Variants in ANKS1B observed in about 807,000 individuals in gnomAD.
ANKS1B encodes the protein ankyrin repeat and sterile alpha motif domain-containing protein 1B.
A neutral mutation model predicts 148.3 loss-of-function variants in ANKS1B; 36 were observed. The observed-to-expected ratio is 0.24, with a 90% CI of 0.19 to 0.32. ANKS1B has a LOEUF of 0.32. Among genes scored for constraint, ANKS1B ranks in the 10% least tolerant of loss-of-function variants. The probability of loss-of-function intolerance (pLI) is 1.00; values close to 1 mark genes in which losing one functional copy is unlikely to be tolerated. For missense variants in ANKS1B, 1,157 were observed against 1,542.6 expected, an observed-to-expected ratio of 0.75 and a Z score of 4.19; for synonymous variants, 542 against 560.8, an observed-to-expected ratio of 0.97 and a Z score of 0.47.
intron 8 of ANKS1B, among the ~76,000 whole-genome samples, chr12:99,682,233 C>A (rs889643651): frequency 6.6e-6 from 1 of 152,140 alleles, no homozygotes; most frequent in African/African-American, 2.4e-5. Flanking sequence ...AAACAATGAA[C>A]TTAAACTATA....
chr12:99,708,784 T>C (rs1202736219), intron 8 of ANKS1B, among the ~76,000 whole-genome samples: 5 of 152,118 alleles, frequency 3.3e-5, no homozygotes. Flanking sequence ...TCACATCACA[T>C]CTGCAAAGGC....
intron 12 of ANKS1B, among the ~76,000 whole-genome samples, chr12:99,353,614 C>T (rs2091675136): frequency 1.3e-5 from 2 of 152,058 alleles, no homozygotes; most frequent in South Asian, 4.1e-4. Flanking sequence ...ATGTCAATTC[C>T]TGCATGTCAA....
chr12:99,979,330 A>G (rs2153856192), intron 1 of ANKS1B, among the ~76,000 whole-genome samples: 1 of 152,308 alleles, frequency 6.6e-6, no homozygotes, highest in East Asian at 1.9e-4. Context: ...GAGGTGTAAC[A>G]GTTCACTAAT....
At chr12:99,415,154 T>A (rs558499593) in intron 11 of ANKS1B, among the ~76,000 whole-genome samples, 4 of 152,186 alleles carry the variant, frequency 2.6e-5, no homozygotes, top group African/African-American at 9.7e-5. Flanking sequence ...TTTGTCCTCA[T>A]AGAAGCTTTC....
At chr12:99,344,155 C>A (rs2090330542) in intron 12 of ANKS1B, among the ~76,000 whole-genome samples, 1 of 151,990 alleles carries the variant, frequency 6.6e-6, no homozygotes, top group African/African-American at 2.4e-5. Flanking sequence ...ACCCACCATT[C>A]CCCTGCTGTG....
intron 12 of ANKS1B, among the ~76,000 whole-genome samples, chr12:99,352,650 G>A (rs549462145): frequency 4.6e-5 from 7 of 151,940 alleles, no homozygotes; most frequent in Non-Finnish European, 8.8e-5. Context: ...TATATCTTGA[G>A]AGGCCATCCC....
At chr12:99,093,873 TGAGA>T (rs1380319032) in intron 15 of ANKS1B, among the ~76,000 whole-genome samples, 1 of 151,718 alleles carries the variant, frequency 6.6e-6, no homozygotes, top group Admixed American at 6.6e-5. Context: ...AGGGAGGAAA[TGAGA>T]GGAAGTGTTT....
intron 1 of ANKS1B, among the ~76,000 whole-genome samples, chr12:99,845,033 T>C (rs2086406290): frequency 6.6e-6 from 1 of 152,164 alleles, no homozygotes. Context: ...GGCTCTCGGC[T>C]TGCCTCTTAT....
At chr12:98,982,832 C>A (rs990920777) in intron 17 of ANKS1B, among the ~76,000 whole-genome samples, 4 of 152,068 alleles carry the variant, frequency 2.6e-5, no homozygotes, top group African/African-American at 9.7e-5. Context: ...TTTTATACTG[C>A]CATGAAAATT....
intron 19 of ANKS1B, among the ~76,000 whole-genome samples, chr12:98,822,082 C>T (rs1262929139): frequency 6.6e-6 from 1 of 152,052 alleles, no homozygotes; most frequent in African/African-American, 2.4e-5. Context: ...GAGAGCAATG[C>T]AGCAAAACAG....
At chr12:99,605,372 T>C (rs2097844477) in intron 9 of ANKS1B, among the ~76,000 whole-genome samples, 1 of 151,988 alleles carries the variant, frequency 6.6e-6, no homozygotes, top group African/African-American at 2.4e-5. Flanking sequence ...TTCAAATATA[T>C]AATACATTAT....
At chr12:99,344,743 CA>C (rs1477686871) in intron 12 of ANKS1B, 3 of 151,802 alleles carry the variant, frequency 2.0e-5, no homozygotes, top group African/African-American at 4.8e-5. Context: ...TGATCAGTCA[CA>C]TTTTTTGTAT....
At chr12:99,406,911 A>G (rs2094544715) in intron 11 of ANKS1B, among the ~76,000 whole-genome samples, 1 of 145,898 alleles carries the variant, frequency 6.9e-6, no homozygotes, top group Non-Finnish European at 1.5e-5. Context: ...AGAAAAGCCC[A>G]GGATCTGATG....
At chr12:99,912,843 T>A (rs371936594) in intron 1 of ANKS1B, among the ~76,000 whole-genome samples, 21 of 152,178 alleles carry the variant, frequency 1.4e-4, no homozygotes, top group African/African-American at 4.8e-4. Context: ...TCCATAGAAG[T>A]AGAGTACTAA....
intron 8 of ANKS1B, among the ~76,000 whole-genome samples, chr12:99,758,481 C>A (rs1463004334): frequency 6.6e-6 from 1 of 151,820 alleles, no homozygotes; most frequent in Non-Finnish European, 1.5e-5. Flanking sequence ...ATACTTATCA[C>A]CTCTATCCTC....
intron 15 of ANKS1B, among the ~76,000 whole-genome samples, chr12:99,150,657 A>C (rs1236643534): frequency 6.7e-6 from 1 of 150,312 alleles, no homozygotes; most frequent in Non-Finnish European, 1.5e-5. Flanking sequence ...GGTAGAGACA[A>C]ATATAACAAG....
rs58802315 is a variant in ANKS1B at position 99,276,362 on chromosome 12, T to C, written c.1757-29498A>G. Among the ~76,000 whole-genome samples, 1,284 of 152,284 alleles carry C rather than the reference T, an allele frequency of 8.4e-3. 17 individuals carry two copies. Among genetic ancestry groups the C allele is most frequent in the African/African-American group, 0.029 (1,209 of 41,558 alleles). ...CCCTTTAAAGTGATGTATTTGGATATAGGCCCTTTAAAGTGATGATTAAAG... is the reference window on the plus strand; with the variant it reads ...CCCTTTAAAGTGATGTATTTGGATACAGGCCCTTTAAAGTGATGATTAAAG... On this transcript the variant is annotated intron_variant, in intron 12 of 26. Coordinates refer to ENST00000683438, the MANE Select transcript of ANKS1B (RefSeq NM_001352186.2).
rs368722332 is a variant in ANKS1B at position 99,196,826 on chromosome 12, T to C, written c.2420-42431A>G. Among the ~76,000 whole-genome samples the C allele has an allele frequency of 1.2e-4, 19 of 152,184 alleles. No individual in the cohort carries two copies. The East Asian group carries it at 2.7e-3, about 22-fold the overall frequency. On this transcript the variant is annotated intron_variant, in intron 14 of 26. Coordinates refer to ENST00000683438, the MANE Select transcript of ANKS1B (RefSeq NM_001352186.2). Reference sequence around the variant, plus strand: ...ACCCAATGAAAAGAAAAGGACAACTTTGGGTCCAGGGATTGTAAATTGTGT... The same window carrying C: ...ACCCAATGAAAAGAAAAGGACAACTCTGGGTCCAGGGATTGTAAATTGTGT...
At chr12:99,659,702 C>A (rs1341324312) in intron 8 of ANKS1B, among the ~76,000 whole-genome samples, 2 of 151,990 alleles carry the variant, frequency 1.3e-5, no homozygotes, top group Non-Finnish European at 2.9e-5. Flanking sequence ...CTATATATAA[C>A]GGTGCTTCAT....
Sources: allele counts gnomAD v4.1 joint callset (sites outside exome capture counted in the v4.1 genomes callset), GRCh38; gene constraint gnomAD v4.1.1; transcripts MANE v1.5; gene names NCBI Gene and HGNC (gene_info 2026-07-23, HGNC 2026-07-21).